EXOC4: variants seen among roughly 807,000 people sequenced by gnomAD.
EXOC4 encodes the protein SEC8-like 1.
In EXOC4, 71 loss-of-function variants were observed where a neutral mutation model predicts 107.2. That is an observed-to-expected ratio of 0.66 (90% CI 0.55 to 0.81). The LOEUF is 0.81. Ranked by LOEUF, EXOC4 falls within the 30% of genes least tolerant of loss-of-function variation. The pLI is 0.00. For synonymous variants in EXOC4, 456 were observed against 441.2 expected (o/e 1.03, Z -0.42); for missense variants, 1,108 against 1,189.6 (o/e 0.93, Z 1.01).
At chr7:133,952,836 T>C (rs1800723957) in intron 14 of EXOC4, among the ~76,000 whole-genome samples, 1 of 152,224 alleles carries the variant, frequency 6.6e-6, no homozygotes. Flanking sequence ...CCTTCTTTTT[T>C]GAAAGCTGCA....
chr7:133,528,899 G>T (rs1800129295), intron 9 of EXOC4, among the ~76,000 whole-genome samples: 1 of 152,016 alleles, frequency 6.6e-6, no homozygotes, highest in Admixed American at 6.6e-5. Context: ...TTTAGCATTT[G>T]CCCTGCACCT....
intron 9 of EXOC4, among the ~76,000 whole-genome samples, chr7:133,603,045 G>C (rs1375738490): frequency 1.3e-5 from 2 of 152,110 alleles, no homozygotes; most frequent in Non-Finnish European, 2.9e-5. Flanking sequence ...GAAAAAATAT[G>C]CAGGATTTTA....
intron 7 of EXOC4, among the ~76,000 whole-genome samples, chr7:133,379,623 GGTC>G (rs1462289573): frequency 6.6e-6 from 1 of 151,774 alleles, no homozygotes; most frequent in Non-Finnish European, 1.5e-5. Flanking sequence ...CTTATGGCAA[GGTC>G]ATAAAATACT....
At chr7:133,257,135 G>C (rs549468216) in intron 1 of EXOC4, among the ~76,000 whole-genome samples, 2 of 152,338 alleles carry the variant, frequency 1.3e-5, no homozygotes, top group South Asian at 4.1e-4. Context: ...TGGGGCTTAG[G>C]TGAGGGGACA....
intron 11 of EXOC4, among the ~76,000 whole-genome samples, chr7:133,853,377 C>G (rs1395705500): frequency 2.4e-5 from 3 of 126,902 alleles, no homozygotes; most frequent in Non-Finnish European, 3.5e-5. Context: ...CACACACACA[C>G]ACACACACAC....
intron 7 of EXOC4, among the ~76,000 whole-genome samples, chr7:133,422,893 T>C (rs1797637062): frequency 6.6e-6 from 1 of 152,250 alleles, no homozygotes; most frequent in Non-Finnish European, 1.5e-5. Context: ...AAGAATCTCA[T>C]GTTGAAAATT....
chr7:133,817,750 A>T (rs77837353), intron 11 of EXOC4, among the ~76,000 whole-genome samples: 2,360 of 152,288 alleles, frequency 0.015, 62 homozygotes, highest in African/African-American at 0.053. Context: ...AATTAAAAAA[A>T]AAAACGGTTA....
At chr7:133,652,267 A>T (rs1030186857) in intron 10 of EXOC4, among the ~76,000 whole-genome samples, 1 of 152,212 alleles carries the variant, frequency 6.6e-6, no homozygotes, top group Admixed American at 6.5e-5. Context: ...CTAGACATAT[A>T]GTATCTTTGA....
At chr7:133,927,552 GA>G (rs1209901513) in intron 13 of EXOC4, among the ~76,000 whole-genome samples, 2 of 151,918 alleles carry the variant, frequency 1.3e-5, no homozygotes, top group African/African-American at 2.4e-5. Flanking sequence ...GGCGAAGCAG[GA>G]AAAAAAGACT....
intron 5 of EXOC4, among the ~76,000 whole-genome samples, chr7:133,320,497 TG>T (rs1795087646): frequency 6.6e-6 from 1 of 152,224 alleles, no homozygotes; most frequent in South Asian, 2.1e-4. Context: ...TAAGGACTCG[TG>T]ATTAGATTGA....
intron 9 of EXOC4, among the ~76,000 whole-genome samples, chr7:133,626,803 T>C (rs1025285824): frequency 7.2e-5 from 11 of 152,220 alleles, no homozygotes; most frequent in Non-Finnish European, 1.0e-4. Flanking sequence ...AGCTTATCTT[T>C]TGTTGTTTTT....
chr7:133,856,711 A>G, intron 11 of EXOC4, among the ~76,000 whole-genome samples: 1 of 152,192 alleles, frequency 6.6e-6, no homozygotes, highest in East Asian at 1.9e-4. Context: ...GGAGATCCAG[A>G]TGCTTCATTC....
At chr7:133,831,034 G>A (rs1339192703) in intron 11 of EXOC4, among the ~76,000 whole-genome samples, 3 of 152,012 alleles carry the variant, frequency 2.0e-5, no homozygotes, top group East Asian at 1.9e-4. Flanking sequence ...GCGCGATCTC[G>A]GCTCACTGCA....
chr7:133,545,706 A>C (rs948760858), intron 9 of EXOC4, among the ~76,000 whole-genome samples: 3 of 152,150 alleles, frequency 2.0e-5, no homozygotes, highest in Admixed American at 6.6e-5. Context: ...CCAATAGTTG[A>C]ATTCTGTCTG....
chr7:133,306,728 T>C (rs573276015), intron 4 of EXOC4, among the ~76,000 whole-genome samples: 2 of 151,850 alleles, frequency 1.3e-5, no homozygotes, highest in East Asian at 1.9e-4. Context: ...AAAAGAAATA[T>C]AGATGTATTG....
intron 7 of EXOC4, among the ~76,000 whole-genome samples, chr7:133,434,289 TG>T (rs1300016394): frequency 6.6e-6 from 1 of 151,902 alleles, no homozygotes; most frequent in Non-Finnish European, 1.5e-5. Flanking sequence ...TCTCTCTACA[TG>T]GGGGGGAAAA....
chr7:133,805,820 A>G (rs1160539926), intron 10 of EXOC4, among the ~76,000 whole-genome samples: 1 of 152,222 alleles, frequency 6.6e-6, no homozygotes, highest in South Asian at 2.1e-4. Context: ...CATATATTTT[A>G]TAAGTTGAAG....
intron 6 of EXOC4, among the ~76,000 whole-genome samples, chr7:133,368,967 C>A (rs1468307443): frequency 6.6e-6 from 1 of 152,080 alleles, no homozygotes. Flanking sequence ...TTTATCCTAG[C>A]AGTATGTAAG....
At chr7:133,345,180 C>G (rs774010566) in intron 5 of EXOC4, among the ~76,000 whole-genome samples, 1 of 152,096 alleles carries the variant, frequency 6.6e-6, no homozygotes. Flanking sequence ...GTCACATTAT[C>G]TCATTAAATT....
Sources: allele counts gnomAD v4.1 joint callset (sites outside exome capture counted in the v4.1 genomes callset), GRCh38; gene constraint gnomAD v4.1.1; transcripts MANE v1.5; gene names NCBI Gene and HGNC (gene_info 2026-07-23, HGNC 2026-07-21).